Variants in MRPL13 observed in about 807,000 individuals in gnomAD.
MRPL13 encodes mitochondrial ribosomal protein L13.
A neutral mutation model predicts 29.0 loss-of-function variants in MRPL13; 33 were observed. The observed-to-expected ratio is 1.14, with a 90% CI of 0.86 to 1.52. The LOEUF is 1.52. Ranked by LOEUF, MRPL13 falls within the 40% of genes most tolerant of loss-of-function variation. The probability of loss-of-function intolerance (pLI) is 0.00; values close to 1 mark genes in which losing one functional copy is unlikely to be tolerated. For synonymous variants in MRPL13, 77 were observed against 68.4 expected, an observed-to-expected ratio of 1.13 and a Z score of -0.62; for missense variants, 227 against 216.7, an observed-to-expected ratio of 1.05 and a Z score of -0.30.
intron 6 of MRPL13, among the ~76,000 whole-genome samples, chr8:120,400,495 G>C (rs150354809): frequency 0.014 from 2,063 of 152,046 alleles, 42 homozygotes; most frequent in African/African-American, 0.046. Flanking sequence ...AGGGAAATTT[G>C]TAGCACTAAA....
chr8:120,426,873 T>A (rs1812936721), intron 3 of MRPL13, among the ~76,000 whole-genome samples: 1 of 152,096 alleles, frequency 6.6e-6, no homozygotes, highest in Non-Finnish European at 1.5e-5. Flanking sequence ...AATTAAACAA[T>A]TCTGTTGATA....
rs530214382 is a variant in MRPL13 at position 120,426,139 on chromosome 8, T to C, written c.246-773A>G. Among the ~76,000 whole-genome samples, 5 of 152,148 alleles carry C rather than the reference T, an allele frequency of 3.3e-5. No homozygotes were observed. The East Asian group carries it at 5.8e-4, about 18-fold the overall frequency. ...AATGAAAAAATATTTGTGAAAGGGATTGGGAAATTTAAAACAAAAATAATA... is the reference window on the plus strand; with the variant it reads ...AATGAAAAAATATTTGTGAAAGGGACTGGGAAATTTAAAACAAAAATAATA... On this transcript the variant is annotated intron_variant, in intron 3 of 6. Transcript: ENST00000306185.
intron 6 of MRPL13, among the ~76,000 whole-genome samples, chr8:120,406,557 G>A (rs961636915): frequency 1.1e-3 from 18 of 16,856 alleles, no homozygotes; most frequent in Non-Finnish European, 2.8e-3. Flanking sequence ...ATGTGTGCAT[G>A]TGTGTGTGTG....
At chr8:120,432,181 G>T (rs1026302493) in intron 2 of MRPL13, 58 bp from the exon 3 acceptor site, 8 of 1,345,332 alleles carry the variant, frequency 5.9e-6, no homozygotes, top group Non-Finnish European at 8.1e-6. Context: ...AAGAAAAAGT[G>T]GCCTTGGTTA....
intron 3 of MRPL13, among the ~76,000 whole-genome samples, chr8:120,429,202 A>C (rs1259140617): frequency 6.6e-6 from 1 of 152,172 alleles, no homozygotes; most frequent in Non-Finnish European, 1.5e-5. Context: ...TTGCAGCAAC[A>C]TGGATGCAGC....
Position 120,441,437 on chromosome 8 carries a change from G to T in MRPL13, c.151+1748C>A, listed in dbSNP as rs1166028342. 1.8e-4 allele frequency among the ~76,000 whole-genome samples: 28 copies of T among 152,124 alleles called. 1 individual carries two copies. The highest frequency in any genetic ancestry group is 2.9e-5 in the Non-Finnish European group (2 of 68,022). Reference sequence around the variant, plus strand: ...CCAATTTTTGGTGAGAAGAGCATTTGAGAGTTTAGAAGGCTGAGGATAGCC... The same window carrying T: ...CCAATTTTTGGTGAGAAGAGCATTTTAGAGTTTAGAAGGCTGAGGATAGCC... On this transcript the variant is annotated intron_variant, in intron 2 of 6. Coordinates refer to ENST00000306185, the MANE Select transcript of MRPL13 (RefSeq NM_014078.6).
chr8:120,405,941 T>A (rs1477527642), intron 6 of MRPL13, among the ~76,000 whole-genome samples: 3 of 152,224 alleles, frequency 2.0e-5, no homozygotes, highest in African/African-American at 7.2e-5. Flanking sequence ...CGGCTTAATC[T>A]TTTAAAAGAG....
chr8:120,443,118 C>A, intron 2 of MRPL13, 67 bp downstream of exon 2: 1 of 1,348,062 alleles, frequency 7.4e-7, no homozygotes, highest in Non-Finnish European at 9.7e-7. Context: ...CCCTGTTAAA[C>A]TTCATCAAGA....
rs140558478 is a variant in MRPL13, at chr8:120,432,038, C to G, written c.237G>C (p.Ser79=). 3.1e-6 allele frequency: 5 copies of G among 1,598,264 alleles called. No individual in the cohort carries two copies. Among genetic ancestry groups the G allele is most frequent in the South Asian group, 2.3e-5 (2 of 88,268 alleles). Residue 79 remains serine, a synonymous_variant, in exon 3 of 7, where the codon TCG becomes TCC. Transcript: ENST00000306185. ...CAACAGCATTATCTTACCCAGTATGCGAAGAGTATACTTTTTGTTCCCATT... is the reference window on the plus strand; with the variant it reads ...CAACAGCATTATCTTACCCAGTATGGGAAGAGTATACTTTTTGTTCCCATT... ...GNKWEQKVYS[S]HTGYPGGFRQ...
At chr8:120,403,579 G>A (rs981918065) in intron 6 of MRPL13, among the ~76,000 whole-genome samples, 1 of 152,094 alleles carries the variant, frequency 6.6e-6, no homozygotes, top group Admixed American at 6.6e-5. Context: ...CATGGCACAT[G>A]TTTACCTGTG....
chr8:120,426,553 T>C (rs889242848), intron 3 of MRPL13, among the ~76,000 whole-genome samples: 4 of 152,104 alleles, frequency 2.6e-5, no homozygotes, highest in Admixed American at 2.0e-4. Context: ...AGTTTGAAAA[T>C]TGAGATGGCA....
chr8:120,443,130 T>C (rs1813143187), intron 2 of MRPL13, 55 bp downstream of exon 2: 2 of 1,400,410 alleles, frequency 1.4e-6, no homozygotes, highest in African/African-American at 1.5e-5. Flanking sequence ...TCATCAAGAT[T>C]CTATTCTGGC....
rs544058758 is a variant in MRPL13 at position 120,440,380 on chromosome 8, G to A, written c.151+2805C>T. Among the ~76,000 whole-genome samples the A allele has an allele frequency of 4.5e-4, 68 of 152,342 alleles. 2 individuals are homozygous for A. Among genetic ancestry groups the A allele is most frequent in the East Asian group, 9.6e-4 (5 of 5,186 alleles). On this transcript the variant is annotated intron_variant, in intron 2 of 6. Transcript: ENST00000306185. The stretch of plus-strand genomic sequence containing the variant: ...TAAGCACTTTGGGAGGCCAAGGTGG[G>A]TGGATCACCTGCGGTCAGGAGTTCC...
At chr8:120,396,578 T>C (rs1250415528) in intron 6 of MRPL13, among the ~76,000 whole-genome samples, 2 of 152,190 alleles carry the variant, frequency 1.3e-5, no homozygotes, top group African/African-American at 4.8e-5. Context: ...TTATGATCCA[T>C]ATACAAAATA....
At chr8:120,425,665 G>T (rs945543557) in intron 3 of MRPL13, among the ~76,000 whole-genome samples, 3 of 152,010 alleles carry the variant, frequency 2.0e-5, no homozygotes, top group African/African-American at 7.2e-5. Context: ...ATTACTACTT[G>T]ATTTAACAAA....
intron 6 of MRPL13, among the ~76,000 whole-genome samples, chr8:120,411,216 C>A (rs2130459394): frequency 6.6e-6 from 1 of 152,228 alleles, no homozygotes; most frequent in East Asian, 1.9e-4. Context: ...TGTGTGCTAA[C>A]ACACCTGGCT....
At chr8:120,400,697 A>AAAATAAAT (rs199590776) in intron 6 of MRPL13, among the ~76,000 whole-genome samples, 11 of 132,046 alleles carry the variant, frequency 8.3e-5, no homozygotes, top group South Asian at 2.5e-4. Context: ...GGTTTTTTGG[A>AAAATAAAT]AAATAAATAA....
At chr8:120,423,920 G>A (rs1456849036) in intron 4 of MRPL13, among the ~76,000 whole-genome samples, 1 of 151,950 alleles carries the variant, frequency 6.6e-6, no homozygotes, top group South Asian at 2.1e-4. Flanking sequence ...GAGGGAGGGT[G>A]GTAGTTAAAA....
At chr8:120,427,840 CACAG>C (rs1812948314) in intron 3 of MRPL13, among the ~76,000 whole-genome samples, 1 of 151,782 alleles carries the variant, frequency 6.6e-6, no homozygotes, top group Non-Finnish European at 1.5e-5. Flanking sequence ...TCAGAGATGA[CACAG>C]ACAAACGGAA....
Sources: gnomAD v4.1 joint callset for allele counts (sites outside exome capture counted in the v4.1 genomes callset) on GRCh38, gnomAD v4.1.1 for gene constraint, MANE v1.5 for transcripts, NCBI Gene and HGNC (gene_info 2026-07-23, HGNC 2026-07-21) for gene names.